The following HSPA12A variants were observed in gnomAD, a reference collection of about 807,000 sequenced individuals.
HSPA12A encodes heat shock 70 kDa protein 12A.
In HSPA12A, 28 loss-of-function variants were observed where a neutral mutation model predicts 69.2. The ratio of observed to expected loss-of-function variants is 0.40; its 90% CI spans 0.30 to 0.55. The LOEUF is 0.55. HSPA12A is among the 20% of genes least tolerant of loss of function. The pLI is 0.38. For missense variants in HSPA12A, 686 were observed against 900.7 expected (o/e 0.76, Z 3.05); for synonymous variants, 345 against 370.5 (o/e 0.93, Z 0.79).
At chr10:116,695,321 G>A (rs1482094477) in intron 5 of HSPA12A, among the ~76,000 whole-genome samples, 1 of 152,158 alleles carries the variant, frequency 6.6e-6, no homozygotes, top group African/African-American at 2.4e-5. Flanking sequence ...TTGAGTGGGA[G>A]GTGGGGCCTA....
In HSPA12A at chr10:116,684,118, G is replaced by A. The variant is rs186106133; in HGVS notation, c.664-156C>T. On this transcript the variant is annotated intron_variant, in intron 6 of 11. Transcript: ENST00000369209. ...AGTCCTCTGCAGAGCATAATGTCAG[G>A]GTGCCTCGGTACTGGGCCCCAAGCC... Among the ~76,000 whole-genome samples, 438 of 152,244 alleles carry A rather than the reference G, an allele frequency of 2.9e-3. 1 individual carries two copies. Among genetic ancestry groups the A allele is most frequent in the African/African-American group, 0.01 (421 of 41,546 alleles).
intron 2 of HSPA12A, among the ~76,000 whole-genome samples, chr10:116,774,566 A>G (rs1362608878): frequency 2.0e-5 from 3 of 152,186 alleles, no homozygotes; most frequent in Non-Finnish European, 4.4e-5. Context: ...AGAAATGTCA[A>G]TGGTGCTCTT....
At chr10:116,763,922 A>G (rs1360366481) in intron 2 of HSPA12A, among the ~76,000 whole-genome samples, 2 of 152,144 alleles carry the variant, frequency 1.3e-5, no homozygotes, top group Admixed American at 6.5e-5. Context: ...TAAAATGTAG[A>G]CACTGATAGG....
intron 2 of HSPA12A, among the ~76,000 whole-genome samples, chr10:116,798,329 A>G (rs569685117): frequency 2.6e-5 from 4 of 152,254 alleles, no homozygotes; most frequent in African/African-American, 9.6e-5. Flanking sequence ...CCAGGACTTA[A>G]GACTTTTAGC....
In HSPA12A at chr10:116,799,522, C is replaced by A. The variant is rs528487377; in HGVS notation, c.91+35413G>T. Among the ~76,000 whole-genome samples, 3 of 151,992 alleles carry A rather than the reference C, an allele frequency of 2.0e-5. No individual in the cohort carries two copies. The East Asian group carries it at 5.8e-4, about 29-fold the overall frequency. Reference sequence around the variant, plus strand: ...ACACACACGCACACGCACACTCATGCGCACAGACACAATGGGGTTATTCCT... The same window carrying A: ...ACACACACGCACACGCACACTCATGAGCACAGACACAATGGGGTTATTCCT... On this transcript the variant is annotated intron_variant, in intron 2 of 12. Transcript: ENST00000635765.
chr10:116,708,581 T>C (rs1208515244), intron 1 of HSPA12A, among the ~76,000 whole-genome samples: 2 of 152,140 alleles, frequency 1.3e-5, no homozygotes, highest in Admixed American at 6.5e-5. Flanking sequence ...CAAGAGGGAA[T>C]GTGAAGCCTC....
At chr10:116,698,802 T>G in intron 4 of HSPA12A, 63 bp from the exon 5 acceptor site, 1 of 1,312,742 alleles carries the variant, frequency 7.6e-7, no homozygotes, top group South Asian at 1.2e-5. Flanking sequence ...CTCCTGGCTT[T>G]GGGGACTGCT....
At chr10:116,786,511 C>G (rs1235173415) in intron 2 of HSPA12A, among the ~76,000 whole-genome samples, 1 of 151,976 alleles carries the variant, frequency 6.6e-6, no homozygotes. Context: ...ATGTCTAAAG[C>G]ATTGTTCTCA....
chr10:116,828,800 C>A (rs1845558404), intron 2 of HSPA12A: 1 of 152,182 alleles, frequency 6.6e-6, no homozygotes, highest in Admixed American at 6.5e-5. Context: ...ACCATGAATT[C>A]TGATTTTTAT....
At chr10:116,769,320 T>A (rs1844147366) in intron 2 of HSPA12A, among the ~76,000 whole-genome samples, 1 of 152,146 alleles carries the variant, frequency 6.6e-6, no homozygotes, top group South Asian at 2.1e-4. Flanking sequence ...TGCTATGGTG[T>A]CATCACCAGA....
chr10:116,832,983 A>C (rs970840665), intron 2 of HSPA12A: 4 of 152,186 alleles, frequency 2.6e-5, no homozygotes, highest in Non-Finnish European at 5.9e-5. Context: ...GAGACAAGGA[A>C]AGGAAGCTGA....
At chr10:116,705,302 G>C (rs1554882254) in intron 2 of HSPA12A, 24 bp from the exon 3 acceptor site, 1 of 1,613,832 alleles carries the variant, frequency 6.2e-7, no homozygotes. Context: ...GTGAGGCATG[G>C]GGGGTGTGGA....
rs375399674 is a variant in HSPA12A, at chr10:116,739,097, G to A, written c.40+3333C>T. On this transcript the variant is annotated intron_variant, in intron 1 of 11. Transcript: ENST00000369209. ...GTAGGGCAGCCACTCTCTATTAGCCGCAGGCCTACTCAACACAAGTCCCTG... is the reference window on the plus strand; with the variant it reads ...GTAGGGCAGCCACTCTCTATTAGCCACAGGCCTACTCAACACAAGTCCCTG... Among the ~76,000 whole-genome samples, 187 of 152,230 alleles carry A rather than the reference G, an allele frequency of 1.2e-3. 1 individual carries two copies. The highest frequency in any genetic ancestry group is 6.8e-3 in the Middle Eastern group (2 of 294).
At chr10:116,764,833 A>G (rs1844044187) in intron 2 of HSPA12A, among the ~76,000 whole-genome samples, 1 of 152,216 alleles carries the variant, frequency 6.6e-6, no homozygotes, top group African/African-American at 2.4e-5. Flanking sequence ...CACACAAAAA[A>G]ATCATTAATT....
chr10:116,743,639 A>T (rs964996318), upstream of HSPA12A, among the ~76,000 whole-genome samples: 3 of 152,196 alleles, frequency 2.0e-5, no homozygotes, highest in East Asian at 1.9e-4. Flanking sequence ...TTTCCCAAAG[A>T]TCACCTAGGG....
chr10:116,711,776 G>C (rs1850439477), intron 1 of HSPA12A, among the ~76,000 whole-genome samples: 1 of 147,842 alleles, frequency 6.8e-6, no homozygotes. Context: ...ACATTCTCCT[G>C]CCTCAGCCTC....
upstream of HSPA12A, among the ~76,000 whole-genome samples, chr10:116,745,211 G>A (rs139683303): frequency 1.2e-4 from 19 of 152,348 alleles, no homozygotes; most frequent in South Asian, 1.2e-3. Flanking sequence ...CTAGAACAGC[G>A]CCTGGTACAT....
intron 2 of HSPA12A, among the ~76,000 whole-genome samples, chr10:116,825,046 G>T (rs1353896728): frequency 1.3e-5 from 2 of 151,906 alleles, no homozygotes; most frequent in Non-Finnish European, 2.9e-5. Flanking sequence ...AAATTAACCG[G>T]GTGTGGTGGT....
intron 1 of HSPA12A, among the ~76,000 whole-genome samples, chr10:116,848,653 A>T (rs1227569892): frequency 6.6e-6 from 1 of 152,184 alleles, no homozygotes; most frequent in Non-Finnish European, 1.5e-5. Context: ...TAATCGCATG[A>T]TACCTGGCAG....
Sources: gnomAD v4.1 joint callset for allele counts (sites outside exome capture counted in the v4.1 genomes callset) on GRCh38, gnomAD v4.1.1 for gene constraint, MANE v1.5 for transcripts, NCBI Gene and HGNC (gene_info 2026-07-23, HGNC 2026-07-21) for gene names.